Variants in CHRM3 observed in about 807,000 individuals in gnomAD.
CHRM3 encodes the protein cholinergic receptor muscarinic 3.
In CHRM3, 11 loss-of-function variants were observed where a neutral mutation model predicts 41.8. That is an observed-to-expected ratio of 0.26 (90% CI 0.17 to 0.44). The LOEUF (loss-of-function observed/expected upper bound fraction) is 0.44. Ranked by LOEUF, CHRM3 falls within the 20% of genes least tolerant of loss-of-function variation. CHRM3 has a pLI of 1.00. For synonymous variants in CHRM3, 297 were observed against 301.4 expected (o/e 0.99, Z 0.15); for missense variants, 571 against 745.4 (o/e 0.77, Z 2.72).
In CHRM3 at chr1:239,562,579, T is replaced by TGA. The variant is rs1462995809; in HGVS notation, c.-313+16830_-313+16831insGA. 4.0e-3 allele frequency among the ~76,000 whole-genome samples: 599 copies of TGA among 149,514 alleles called. 2 individuals carry two copies. The highest frequency in any genetic ancestry group is 0.01 in the African/African-American group (426 of 40,868). On this transcript the variant is annotated intron_variant, in intron 3 of 6. Coordinates refer to ENST00000676153, the MANE Select transcript of CHRM3 (RefSeq NM_001375978.1). ...TCTATTTAGATGATGATGATGATGA[T>TGA]TATTATTATTATTATTTTTAAAGCG... is the stretch of plus-strand genomic sequence containing the variant.
At chr1:239,642,926 T>C (rs1043055458) in intron 4 of CHRM3, among the ~76,000 whole-genome samples, 75 of 152,310 alleles carry the variant, frequency 4.9e-4, no homozygotes, top group Admixed American at 3.5e-3. Context: ...ATGATGGTGA[T>C]GTACAGATGG....
chr1:239,594,273 T>C (rs547103147), intron 3 of CHRM3, among the ~76,000 whole-genome samples: 4 of 152,354 alleles, frequency 2.6e-5, no homozygotes, highest in African/African-American at 9.6e-5. Context: ...TGTTGACTTT[T>C]GTTAGGAAGC....
intron 5 of CHRM3, among the ~76,000 whole-genome samples, chr1:239,759,226 G>T (rs1572201091): frequency 9.3e-6 from 1 of 107,300 alleles, no homozygotes; most frequent in South Asian, 3.0e-4. Context: ...ATGTCTGCAT[G>T]CTTTAGCAGA....
At chr1:239,493,623 G>A (rs532424698) in intron 2 of CHRM3, among the ~76,000 whole-genome samples, 2 of 152,244 alleles carry the variant, frequency 1.3e-5, no homozygotes, top group East Asian at 3.9e-4. Flanking sequence ...AAAAGCAAGA[G>A]TTTTGTGTTT....
intron 5 of CHRM3, among the ~76,000 whole-genome samples, chr1:239,725,406 A>G (rs1054969575): frequency 4.6e-5 from 7 of 151,998 alleles, no homozygotes; most frequent in Non-Finnish European, 1.0e-4. Flanking sequence ...AAAATCGATG[A>G]AAAGATATTT....
At chr1:239,468,221 A>G (rs1665871302) in intron 1 of CHRM3, among the ~76,000 whole-genome samples, 1 of 152,158 alleles carries the variant, frequency 6.6e-6, no homozygotes. Flanking sequence ...ACTTCTGAAA[A>G]ATGCCATTTT....
At chr1:239,478,695 A>G (rs1436449473) in intron 1 of CHRM3, among the ~76,000 whole-genome samples, 1 of 152,198 alleles carries the variant, frequency 6.6e-6, no homozygotes, top group African/African-American at 2.4e-5. Context: ...AGTGAATTTT[A>G]AGATAGGTGA....
intron 5 of CHRM3, among the ~76,000 whole-genome samples, chr1:239,689,527 A>T (rs1489359010): frequency 2.0e-5 from 3 of 152,224 alleles, no homozygotes; most frequent in Non-Finnish European, 4.4e-5. Context: ...ATTGCTGCAC[A>T]TTAGAAAACA....
intron 5 of CHRM3, among the ~76,000 whole-genome samples, chr1:239,816,881 C>T (rs1481062052): frequency 1.3e-5 from 2 of 152,036 alleles, no homozygotes; most frequent in Admixed American, 1.3e-4. Context: ...CATGTGCCCA[C>T]CATTATGCCC....
intron 5 of CHRM3, among the ~76,000 whole-genome samples, chr1:239,706,665 CTTGCATGT>C: frequency 6.6e-6 from 1 of 151,196 alleles, no homozygotes; most frequent in African/African-American, 2.4e-5. Flanking sequence ...CCCACACACA[CTTGCATGT>C]ACACACACGG....
chr1:239,891,881 C>G (rs1414436095), intron 6 of CHRM3, among the ~76,000 whole-genome samples: 1 of 152,098 alleles, frequency 6.6e-6, no homozygotes, highest in African/African-American at 2.4e-5. Context: ...GGTTTCTGGT[C>G]AGCCTTAAGG....
chr1:239,531,366 A>G (rs1670390177), intron 2 of CHRM3, among the ~76,000 whole-genome samples: 2 of 152,150 alleles, frequency 1.3e-5, no homozygotes, highest in Admixed American at 1.3e-4. Flanking sequence ...ATGGCCAGGA[A>G]TTTTACTTAG....
chr1:239,598,211 A>G (rs1341532296), intron 3 of CHRM3, among the ~76,000 whole-genome samples: 1 of 151,928 alleles, frequency 6.6e-6, no homozygotes, highest in East Asian at 1.9e-4. Context: ...TGAGGTTGTT[A>G]TTGTTCTCCT....
chr1:239,533,106 C>T (rs1657821659), intron 2 of CHRM3, among the ~76,000 whole-genome samples: 1 of 151,724 alleles, frequency 6.6e-6, no homozygotes, highest in Non-Finnish European at 1.5e-5. Context: ...AACAGAAAAA[C>T]ATTCTGTCCC....
chr1:239,537,301 G>C (rs1658298047), intron 2 of CHRM3, among the ~76,000 whole-genome samples: 1 of 152,134 alleles, frequency 6.6e-6, no homozygotes, highest in Admixed American at 6.5e-5. Flanking sequence ...TCTGCAGGCT[G>C]TACAGGAAGG....
chr1:239,767,665 C>T (rs1667332121), intron 5 of CHRM3, among the ~76,000 whole-genome samples: 1 of 152,028 alleles, frequency 6.6e-6, no homozygotes, highest in Non-Finnish European at 1.5e-5. Context: ...TTGTAGTTTA[C>T]TTAGTATTTA....
At chr1:239,656,687 G>C (rs989617159) in intron 4 of CHRM3, among the ~76,000 whole-genome samples, 1 of 151,918 alleles carries the variant, frequency 6.6e-6, no homozygotes, top group South Asian at 2.1e-4. Flanking sequence ...TGGTATTGAG[G>C]TTATAGGTGA....
At chr1:239,534,912 T>C (rs1042576842) in intron 2 of CHRM3, among the ~76,000 whole-genome samples, 36 of 152,226 alleles carry the variant, frequency 2.4e-4, no homozygotes, top group African/African-American at 8.2e-4. Context: ...GAGTAAAGAC[T>C]TATTTTGAAG....
chr1:239,877,803 G>C (rs567158118), intron 6 of CHRM3, among the ~76,000 whole-genome samples: 1 of 151,992 alleles, frequency 6.6e-6, no homozygotes, highest in East Asian at 1.9e-4. Flanking sequence ...TTTTGTGGAC[G>C]ACAATTTTTC....
Sources: gnomAD v4.1 joint callset for allele counts (sites outside exome capture counted in the v4.1 genomes callset) on GRCh38, gnomAD v4.1.1 for gene constraint, MANE v1.5 for transcripts, NCBI Gene and HGNC (gene_info 2026-07-23, HGNC 2026-07-21) for gene names.